STRN3: variants seen among roughly 807,000 people sequenced by gnomAD.
STRN3 encodes striatin-3.
In STRN3, 29 loss-of-function variants were observed where a neutral mutation model predicts 95.6. The ratio of observed to expected loss-of-function variants is 0.30; its 90% CI spans 0.23 to 0.41. The LOEUF is 0.41. Among genes scored for constraint, STRN3 ranks in the 10% least tolerant of loss-of-function variants. The pLI is 1.00. For synonymous variants in STRN3, 331 were observed against 357.6 expected (o/e 0.93, Z 0.84); for missense variants, 890 against 972.1 (o/e 0.92, Z 1.12).
chr14:31,011,039 A>T (rs1882948257), intron 1 of STRN3, among the ~76,000 whole-genome samples: 1 of 152,192 alleles, frequency 6.6e-6, no homozygotes, highest in African/African-American at 2.4e-5. Context: ...ACTCTGTCTC[A>T]AAAACAAAAC....
At chr14:30,959,301 C>T (rs940261130) in intron 1 of STRN3, among the ~76,000 whole-genome samples, 1 of 151,976 alleles carries the variant, frequency 6.6e-6, no homozygotes, top group Non-Finnish European at 1.5e-5. Flanking sequence ...CCAGCCTGAG[C>T]GACAGAGCAA....
chr14:30,987,184 G>T (rs1158278405), intron 1 of STRN3, among the ~76,000 whole-genome samples: 4 of 152,108 alleles, frequency 2.6e-5, no homozygotes, highest in African/African-American at 9.7e-5. Flanking sequence ...GTAACGTAGA[G>T]GCATGGCAGC....
intron 1 of STRN3, among the ~76,000 whole-genome samples, chr14:31,010,837 G>A (rs1739859162): frequency 1.3e-5 from 2 of 152,168 alleles, no homozygotes; most frequent in African/African-American, 4.8e-5. Flanking sequence ...TCAGGAGTTC[G>A]AGACCAGCCT....
At chr14:30,962,484 A>C (rs552551007) in intron 1 of STRN3, among the ~76,000 whole-genome samples, 1 of 152,280 alleles carries the variant, frequency 6.6e-6, no homozygotes, top group South Asian at 2.1e-4. Context: ...AGCAATTTCC[A>C]ATCCTAAAAG....
At chr14:31,013,862 TTTTATTATTA>T (rs1392495889) in intron 1 of STRN3, among the ~76,000 whole-genome samples, 1 of 63,530 alleles carries the variant, frequency 1.6e-5, no homozygotes, top group Non-Finnish European at 3.9e-5. Flanking sequence ...CTCAAAGCAA[TTTTATTATTA>T]TTATTATTAT....
At position 30,929,959 on chromosome 14, in the gene STRN3, A is replaced by AAAAAAAC. The variant is rs1555317348; in HGVS notation, c.989-649_989-648insGTTTTTT. Among the ~76,000 whole-genome samples the AAAAAAAC allele has an allele frequency of 6.3e-4, 80 of 127,270 alleles. 2 individuals carry two copies. Among genetic ancestry groups the AAAAAAAC allele is most frequent in the East Asian group, 5.8e-3 (20 of 3,458 alleles). The allele number at this position is 127,270 out of a possible 152,430, so 83.5% of individuals were successfully genotyped here. Reference sequence around the variant, plus strand: ...TGGTCTACAACTAAGATTAGCAAAAAAAAAAAAAAAAAAAAAAAAACTCAA... The same window carrying AAAAAAAC: ...TGGTCTACAACTAAGATTAGCAAAAAAAAAAACAAAAAAAAAAAAAAAAAAAACTCAA... On this transcript the variant is annotated intron_variant, in intron 7 of 17. Transcript: ENST00000357479.
chr14:30,929,967 A>AAAAAAAAAAAAAAAAAAAAAAAAAAAC lies in STRN3; in HGVS notation c.989-657_989-656insGTTTTTTTTTTTTTTTTTTTTTTTTTT, dbSNP rs1555317336. Among the ~76,000 whole-genome samples the AAAAAAAAAAAAAAAAAAAAAAAAAAAC allele has an allele frequency of 3.6e-4, 33 of 91,196 alleles. 1 individual carries two copies. Among genetic ancestry groups the AAAAAAAAAAAAAAAAAAAAAAAAAAAC allele is most frequent in the Middle Eastern group, 6.2e-3 (1 of 162 alleles). The allele number at this position is 91,196 out of a possible 152,430, so 59.8% of individuals were successfully genotyped here. On this transcript the variant is annotated intron_variant, in intron 7 of 17. Coordinates refer to ENST00000357479, the MANE Select transcript of STRN3 (RefSeq NM_001083893.2). ...AACTAAGATTAGCAAAAAAAAAAAA[A>AAAAAAAAAAAAAAAAAAAAAAAAAAAC]AAAAAAAAAAAACTCAAATTCCACT...
rs150563637 is a variant in STRN3 at position 30,969,870 on chromosome 14, A to G, written c.283-13628T>C. ...CCTGAAGATCACCTTCTCATCAAAG[A>G]GTGGAAAGAAAAAAACTCGAGCCAG... On this transcript the variant is annotated intron_variant, in intron 1 of 17. Transcript: ENST00000357479. 4.7e-3 allele frequency among the ~76,000 whole-genome samples: 710 copies of G among 152,130 alleles called. 3 individuals are homozygous for G. Among genetic ancestry groups the G allele is most frequent in the African/African-American group, 0.017 (687 of 41,494 alleles).
chr14:30,919,984 T>TA (rs1896840350), intron 8 of STRN3, among the ~76,000 whole-genome samples: 1 of 152,150 alleles, frequency 6.6e-6, no homozygotes, highest in Non-Finnish European at 1.5e-5. Flanking sequence ...CTTTATAATC[T>TA]ACATAAGTTT....
chr14:30,947,335 T>A, intron 4 of STRN3, 72 bp from the exon 5 acceptor site: 1 of 1,239,036 alleles, frequency 8.1e-7, no homozygotes, highest in Non-Finnish European at 1.1e-6. Flanking sequence ...CATCAAATTT[T>A]AGAAAAACCC....
chr14:30,963,805 T>A (rs1386716364), intron 1 of STRN3, among the ~76,000 whole-genome samples: 1 of 152,052 alleles, frequency 6.6e-6, no homozygotes, highest in Non-Finnish European at 1.5e-5. Flanking sequence ...AACTGGAAAT[T>A]CACAAATTTA....
intron 1 of STRN3, among the ~76,000 whole-genome samples, chr14:31,000,641 G>T (rs993082685): frequency 6.6e-6 from 1 of 152,034 alleles, no homozygotes; most frequent in Non-Finnish European, 1.5e-5. Flanking sequence ...ATCTTCCCCA[G>T]GGACCCTGTT....
intron 1 of STRN3, among the ~76,000 whole-genome samples, chr14:30,976,218 G>T (rs1881097454): frequency 6.6e-6 from 1 of 152,084 alleles, no homozygotes; most frequent in Non-Finnish European, 1.5e-5. Context: ...AAATGAATGG[G>T]GAGAGTTATA....
intron 7 of STRN3, among the ~76,000 whole-genome samples, chr14:30,934,519 T>C (rs1878721304): frequency 6.6e-6 from 1 of 152,200 alleles, no homozygotes; most frequent in Non-Finnish European, 1.5e-5. Context: ...ATGGGGTTTT[T>C]AACCATGTAC....
intron 3 of STRN3, among the ~76,000 whole-genome samples, chr14:30,953,236 C>G (rs923085641): frequency 1.3e-5 from 2 of 152,140 alleles, no homozygotes; most frequent in Non-Finnish European, 2.9e-5. Flanking sequence ...GCCCATGTAA[C>G]CAGTACCTAG....
intron 1 of STRN3, among the ~76,000 whole-genome samples, chr14:30,989,363 A>AT (rs1275882530): frequency 2.0e-5 from 3 of 152,194 alleles, no homozygotes; most frequent in Non-Finnish European, 4.4e-5. Context: ...CTTCCTCTTC[A>AT]TGGCAGCCCA....
At chr14:30,925,774 ACT>A (rs1475163444) in intron 8 of STRN3, among the ~76,000 whole-genome samples, 4 of 152,290 alleles carry the variant, frequency 2.6e-5, no homozygotes, top group Admixed American at 6.5e-5. Flanking sequence ...AAAATGTCAC[ACT>A]GTGTCCCATA....
intron 7 of STRN3, among the ~76,000 whole-genome samples, chr14:30,931,427 C>G (rs1265835151): frequency 6.6e-6 from 1 of 152,154 alleles, no homozygotes; most frequent in Admixed American, 6.5e-5. Flanking sequence ...AAAGTTGACT[C>G]CTGACAGCTC....
intron 8 of STRN3, among the ~76,000 whole-genome samples, chr14:30,922,900 T>C (rs1028360432): frequency 6.6e-6 from 1 of 152,122 alleles, no homozygotes; most frequent in African/African-American, 2.4e-5. Flanking sequence ...CTAGGCAAAA[T>C]ACCTAAGTTA....
Sources: gnomAD v4.1 joint callset for allele counts (sites outside exome capture counted in the v4.1 genomes callset) on GRCh38, gnomAD v4.1.1 for gene constraint, MANE v1.5 for transcripts, NCBI Gene and HGNC (gene_info 2026-07-23, HGNC 2026-07-21) for gene names.